Variants in CELF1 observed in about 807,000 individuals in gnomAD.
CELF1 encodes the protein CUGBP Elav-like family member 1, also known as 50 kDa nuclear polyadenylated RNA-binding protein.
CELF1 carries 10 observed loss-of-function variants against 61.8 expected under a neutral mutation model. That is an observed-to-expected ratio of 0.16 (90% CI 0.10 to 0.27). The LOEUF (loss-of-function observed/expected upper bound fraction) is 0.27. CELF1 is among the 10% of genes least tolerant of loss of function. The probability of loss-of-function intolerance (pLI) is 1.00; values close to 1 mark genes in which losing one functional copy is unlikely to be tolerated. For missense variants in CELF1, 380 were observed against 639.1 expected (o/e 0.59, Z 4.37); for synonymous variants, 236 against 225.1 (o/e 1.05, Z -0.43).
intron 1 of CELF1, among the ~76,000 whole-genome samples, chr11:47,520,601 A>G (rs542747163): frequency 2.6e-5 from 4 of 152,160 alleles, no homozygotes; most frequent in Admixed American, 2.6e-4. Context: ...TGAGCTCAGG[A>G]GTTCAAGACC....
At position 47,509,519 on chromosome 11, in the gene CELF1, A is replaced by T. The variant is rs1261975425; in HGVS notation, c.-153-8587T>A. The stretch of plus-strand genomic sequence containing the variant: ...TAGTGAGCTATGCTGGCACCACTGC[A>T]CTCCAGCTTAGGCCACACAGTGAGA... On this transcript the variant is annotated intron_variant, in intron 1 of 14. Coordinates refer to ENST00000687097, the MANE Select transcript of CELF1 (RefSeq NM_001376376.1). Among the ~76,000 whole-genome samples, 3 of 152,038 alleles carry T rather than the reference A, an allele frequency of 2.0e-5. No individual in the cohort carries two copies. In the East Asian group the frequency reaches 5.8e-4, roughly 29 times the overall value.
upstream of CELF1, among the ~76,000 whole-genome samples, chr11:47,553,803 A>T (rs933879145): frequency 7.8e-4 from 95 of 121,206 alleles, no homozygotes; most frequent in Middle Eastern, 4.8e-3. Flanking sequence ...TACCGAAAAA[A>T]AAATATATAT....
At chr11:47,530,909 C>G (rs1381852254) in intron 1 of CELF1, among the ~76,000 whole-genome samples, 1 of 152,024 alleles carries the variant, frequency 6.6e-6, no homozygotes, top group Non-Finnish European at 1.5e-5. Context: ...GAGCCACAAT[C>G]ATGCCATTGC....
chr11:47,479,282 GATT>G (rs1280051993), intron 9 of CELF1, among the ~76,000 whole-genome samples: 1 of 152,188 alleles, frequency 6.6e-6, no homozygotes, highest in Non-Finnish European at 1.5e-5. Context: ...AGTCAACTGT[GATT>G]ATTGTCTGCG....
intron 3 of CELF1, among the ~76,000 whole-genome samples, chr11:47,495,357 G>A (rs1419399396): frequency 1.3e-5 from 2 of 152,156 alleles, no homozygotes; most frequent in African/African-American, 4.8e-5. Flanking sequence ...ACAGAAAGTA[G>A]GTTGGTGGTT....
chr11:47,539,660 C>CT (rs1319585292), intron 1 of CELF1, among the ~76,000 whole-genome samples: 3 of 152,146 alleles, frequency 2.0e-5, no homozygotes. Context: ...CTGAAAATAA[C>CT]AGAAAGCTTA....
chr11:47,509,159 C>T (rs922600691), intron 1 of CELF1, among the ~76,000 whole-genome samples: 4 of 152,158 alleles, frequency 2.6e-5, no homozygotes, highest in Non-Finnish European at 4.4e-5. Flanking sequence ...AAAACTGAAA[C>T]GCTTTGGTGA....
intron 1 of CELF1, among the ~76,000 whole-genome samples, chr11:47,501,243 G>A (rs1436070737): frequency 3.3e-5 from 5 of 152,144 alleles, no homozygotes; most frequent in African/African-American, 9.7e-5. Context: ...CTATTAAAGC[G>A]GCAAAAACAA....
chr11:47,532,770 C>T (rs1181711851), intron 1 of CELF1, among the ~76,000 whole-genome samples: 1 of 152,182 alleles, frequency 6.6e-6, no homozygotes, highest in Non-Finnish European at 1.5e-5. Context: ...TTTTCTCCCT[C>T]CTATGCCAGC....
intron 9 of CELF1, among the ~76,000 whole-genome samples, chr11:47,481,312 T>G (rs1352521376): frequency 6.6e-6 from 1 of 151,786 alleles, no homozygotes; most frequent in Non-Finnish European, 1.5e-5. Context: ...GTATTTTTAG[T>G]ATAGACAGGG....
At chr11:47,515,999 C>T (rs1190160783) in intron 1 of CELF1, among the ~76,000 whole-genome samples, 2 of 151,758 alleles carry the variant, frequency 1.3e-5, no homozygotes, top group African/African-American at 2.4e-5. Context: ...TCCCTGCAAC[C>T]TCTGCCTCCC....
chr11:47,481,705 T>G (rs2083357966), intron 9 of CELF1, among the ~76,000 whole-genome samples: 1 of 152,182 alleles, frequency 6.6e-6, no homozygotes, highest in Non-Finnish European at 1.5e-5. Context: ...GCTGGCCCAA[T>G]TCTTTTCCAT....
intron 1 of CELF1, among the ~76,000 whole-genome samples, chr11:47,534,636 G>A (rs534899937): frequency 2.6e-5 from 4 of 152,234 alleles, no homozygotes; most frequent in South Asian, 2.1e-4. Flanking sequence ...GCTGAGGCAG[G>A]AGAATGGTGT....
rs1462820589 is a variant in CELF1 at position 47,527,044 on chromosome 11, T to TC, written c.-154+25947dup. On this transcript the variant is annotated intron_variant, in intron 1 of 14. Transcript: ENST00000687097. ...CCAGCCTGGGCGACAAGAGCAAAAC[T>TC]CCGTCTAAAAAAAAAAAAAAGCTTC... Among the ~76,000 whole-genome samples, 3 of 128,860 alleles carry TC rather than the reference T, an allele frequency of 2.3e-5. No homozygotes were observed. In the Admixed American group the frequency reaches 2.3e-4, roughly 10 times the overall value. The allele number at this position is 128,860 out of a possible 152,430, so 84.5% of individuals were successfully genotyped here. A position where few individuals can be genotyped will look rare whatever the true frequency, so the allele number is the denominator to read the frequency against.
chr11:47,550,626 T>C (rs562016174), intron 1 of CELF1, among the ~76,000 whole-genome samples: 218 of 152,210 alleles, frequency 1.4e-3, no homozygotes, highest in Middle Eastern at 0.01. Context: ...AAAGACCCAA[T>C]ATTTAACAAT....
chr11:47,475,915 C>T (rs2079864549), intron 12 of CELF1, among the ~76,000 whole-genome samples: 1 of 152,164 alleles, frequency 6.6e-6, no homozygotes, highest in African/African-American at 2.4e-5. Context: ...ACCATTAAAA[C>T]AGCAACTAAC....
intron 3 of CELF1, among the ~76,000 whole-genome samples, chr11:47,489,990 G>A (rs2090532780): frequency 1.9e-5 from 2 of 103,870 alleles, no homozygotes; most frequent in African/African-American, 7.4e-5. Context: ...CCAGGCTGGA[G>A]TGTAATGGCC....
intron 1 of CELF1, among the ~76,000 whole-genome samples, chr11:47,540,596 G>T (rs907533524): frequency 1.3e-5 from 2 of 152,066 alleles, no homozygotes; most frequent in African/African-American, 4.8e-5. Flanking sequence ...TCAAAATCAG[G>T]CAAGCAGGCT....
intron 9 of CELF1, 103 bp from the exon 10 acceptor site, chr11:47,479,055 G>A (rs1187966152): frequency 2.3e-6 from 2 of 888,664 alleles, no homozygotes; most frequent in South Asian, 1.4e-5. Context: ...GAGGCCCCCA[G>A]AGAGAAGAAA....
Sources: allele counts gnomAD v4.1 joint callset (sites outside exome capture counted in the v4.1 genomes callset), GRCh38; gene constraint gnomAD v4.1.1; transcripts MANE v1.5; gene names NCBI Gene and HGNC (gene_info 2026-07-23, HGNC 2026-07-21).